The following NKAIN3 variants were observed in gnomAD, a reference collection of about 807,000 sequenced individuals.
NKAIN3 encodes sodium/potassium transporting ATPase interacting 3, also known as sodium/potassium-transporting ATPase subunit beta-1-interacting protein 3.
A neutral mutation model predicts 30.2 loss-of-function variants in NKAIN3; 25 were observed. That is an observed-to-expected ratio of 0.83 (90% CI 0.60 to 1.16). NKAIN3 has a LOEUF of 1.16. NKAIN3 is among the 50% of genes most tolerant of loss of function. The pLI is 0.00. For synonymous variants in NKAIN3, 91 were observed against 89.6 expected (o/e 1.02, Z -0.09); for missense variants, 225 against 254.1 (o/e 0.89, Z 0.78).
intron 3 of NKAIN3, among the ~76,000 whole-genome samples, chr8:62,709,314 T>C (rs1814641103): frequency 6.6e-6 from 1 of 152,106 alleles, no homozygotes; most frequent in African/African-American, 2.4e-5. Flanking sequence ...CTTCTTTGAA[T>C]GGCTGGTATA....
chr8:62,417,006 TTA>T (rs756108050), intron 1 of NKAIN3, among the ~76,000 whole-genome samples: 19 of 148,472 alleles, frequency 1.3e-4, no homozygotes, highest in African/African-American at 2.0e-4. Context: ...ATATATATAT[TTA>T]TATATATATA....
chr8:62,526,913 C>A (rs976431862), intron 1 of NKAIN3, among the ~76,000 whole-genome samples: 4 of 152,150 alleles, frequency 2.6e-5, no homozygotes, highest in African/African-American at 9.6e-5. Context: ...CACTACTCAC[C>A]TTATCCCTGA....
chr8:62,876,155 C>A (rs185480845), intron 4 of NKAIN3, among the ~76,000 whole-genome samples: 1 of 151,930 alleles, frequency 6.6e-6, no homozygotes, highest in South Asian at 2.1e-4. Context: ...CATCAAAAAG[C>A]GGGCAAAGGA....
intron 1 of NKAIN3, among the ~76,000 whole-genome samples, chr8:62,390,152 G>T (rs1397935061): frequency 6.6e-6 from 1 of 151,876 alleles, no homozygotes; most frequent in African/African-American, 2.4e-5. Context: ...CAGGTTTTAG[G>T]TCTAGTACCC....
At chr8:62,613,048 T>G (rs1350460275) in intron 3 of NKAIN3, among the ~76,000 whole-genome samples, 5 of 152,150 alleles carry the variant, frequency 3.3e-5, no homozygotes, top group African/African-American at 1.2e-4. Flanking sequence ...ATAAGAGTAG[T>G]TTACACACCA....
intron 3 of NKAIN3, among the ~76,000 whole-genome samples, chr8:62,715,308 G>A (rs983731825): frequency 1.3e-5 from 2 of 152,134 alleles, no homozygotes; most frequent in Admixed American, 6.5e-5. Flanking sequence ...CAGAAGTAGA[G>A]CCAGTGTCCA....
At chr8:62,650,797 G>A (rs1396583339) in intron 3 of NKAIN3, among the ~76,000 whole-genome samples, 2 of 152,006 alleles carry the variant, frequency 1.3e-5, no homozygotes, top group Non-Finnish European at 2.9e-5. Context: ...GCATAGATGA[G>A]GATAGAAATA....
At chr8:62,291,113 T>C (rs1160917747) in intron 1 of NKAIN3, among the ~76,000 whole-genome samples, 1 of 152,206 alleles carries the variant, frequency 6.6e-6, no homozygotes, top group Admixed American at 6.5e-5. Flanking sequence ...ATTGCATCTA[T>C]TTGATTCTTC....
At chr8:62,582,552 G>A (rs571489703) in intron 2 of NKAIN3, among the ~76,000 whole-genome samples, 7 of 152,210 alleles carry the variant, frequency 4.6e-5, no homozygotes, top group African/African-American at 9.6e-5. Flanking sequence ...AGTGAGTCAC[G>A]AGTATGAGAC....
chr8:62,475,073 C>T (rs1440010792), intron 1 of NKAIN3, among the ~76,000 whole-genome samples: 3 of 152,084 alleles, frequency 2.0e-5, no homozygotes, highest in Non-Finnish European at 4.4e-5. Context: ...TTTATATCCC[C>T]TCCTCCCTCC....
At chr8:62,500,488 GAAAAGAAAGAAA>G (rs1398583324) in intron 1 of NKAIN3, among the ~76,000 whole-genome samples, 265 of 104,344 alleles carry the variant, frequency 2.5e-3, no homozygotes, top group African/African-American at 0.01. Flanking sequence ...AAAGAAAGAA[GAAAAGAAAGAAA>G]GAAAGAAGGA....
intron 1 of NKAIN3, among the ~76,000 whole-genome samples, chr8:62,437,808 G>GA (rs1805214168): frequency 6.6e-6 from 1 of 152,110 alleles, no homozygotes; most frequent in South Asian, 2.1e-4. Context: ...TAATTAGATT[G>GA]AAATTTAAAG....
intron 3 of NKAIN3, among the ~76,000 whole-genome samples, chr8:62,711,890 G>A (rs771706968): frequency 6.6e-6 from 1 of 152,190 alleles, no homozygotes; most frequent in Non-Finnish European, 1.5e-5. Flanking sequence ...AATGTCTAGG[G>A]CTGAAGGCTG....
At chr8:62,676,957 G>A (rs112339438) in intron 3 of NKAIN3, among the ~76,000 whole-genome samples, 10,624 of 152,002 alleles carry the variant, frequency 0.07, 825 homozygotes, top group African/African-American at 0.19. Context: ...GGTCTCAAGC[G>A]ATCCTCCCAC....
intron 1 of NKAIN3, among the ~76,000 whole-genome samples, chr8:62,287,772 C>G (rs1027840960): frequency 6.6e-6 from 1 of 152,132 alleles, no homozygotes; most frequent in Non-Finnish European, 1.5e-5. Context: ...ACATTCTTAA[C>G]ATGGTCCTTC....
intron 3 of NKAIN3, among the ~76,000 whole-genome samples, chr8:62,733,342 G>C (rs1285858038): frequency 6.6e-6 from 1 of 152,026 alleles, no homozygotes. Context: ...ATACACTTAG[G>C]AAGTTCCATT....
chr8:62,511,534 T>A (rs1186421088), intron 1 of NKAIN3, among the ~76,000 whole-genome samples: 1 of 152,200 alleles, frequency 6.6e-6, no homozygotes, highest in East Asian at 1.9e-4. Flanking sequence ...ATGACTATCC[T>A]CTGCCCAAAA....
intron 1 of NKAIN3, among the ~76,000 whole-genome samples, chr8:62,267,341 T>C (rs1812640166): frequency 6.6e-6 from 1 of 152,224 alleles, no homozygotes; most frequent in Non-Finnish European, 1.5e-5. Flanking sequence ...GTTTGTTTCC[T>C]TTTTAATAGA....
Position 62,663,768 on chromosome 8 carries a change from G to A in NKAIN3, c.273+73974G>A, listed in dbSNP as rs140714302. ...CAAAACAGCCCAAGTGAATGTTGTG[G>A]GACAGTAATACAAAAGAATAAAGGA... On this transcript the variant is annotated intron_variant, in intron 3 of 6. Transcript: ENST00000623646. Among the ~76,000 whole-genome samples the A allele has an allele frequency of 7.4e-3, 1,121 of 152,186 alleles. 10 individuals are homozygous for A. Among genetic ancestry groups the A allele is most frequent in the South Asian group, 0.03 (144 of 4,810 alleles).
Sources: gnomAD v4.1 joint callset for allele counts (sites outside exome capture counted in the v4.1 genomes callset) on GRCh38, gnomAD v4.1.1 for gene constraint, MANE v1.5 for transcripts, NCBI Gene and HGNC (gene_info 2026-07-23, HGNC 2026-07-21) for gene names.